DSEL: variants seen among roughly 807,000 people sequenced by gnomAD.
DSEL encodes the protein dermatan-sulfate epimerase-like protein.
A neutral mutation model predicts 96.6 loss-of-function variants in DSEL; 61 were observed. The observed-to-expected ratio is 0.63, with a 90% CI of 0.51 to 0.78. The LOEUF (loss-of-function observed/expected upper bound fraction) is 0.78. Among genes scored for constraint, DSEL ranks in the 30% least tolerant of loss-of-function variants. DSEL has a pLI of 0.00. For synonymous variants in DSEL, 514 were observed against 502.0 expected, an observed-to-expected ratio of 1.02 and a Z score of -0.32; for missense variants, 1,320 against 1,430.8, an observed-to-expected ratio of 0.92 and a Z score of 1.25.
rs1282788409 is a variant in DSEL, at chr18:67,512,900, T to C, written c.1709A>G (p.Tyr570Cys). 2 of 1,614,204 alleles carry C rather than the reference T, an allele frequency of 1.2e-6. No individual in the cohort carries two copies. The highest frequency in any genetic ancestry group is 1.6e-4 in the Middle Eastern group (1 of 6,062). ...YSSAMRLKSV[Y>C]RALLLLNSQT... ...GGAATTTAAGAGAAGCAAAGCACGA[T>C]ATACACTTTTCAGTCTCATTGCTGA... The change falls in exon 2 of 2, where the codon TAT becomes TGT. Residue 570 changes from tyrosine (Y) to cysteine (C), a missense_variant. Physicochemically the swap from Tyr to Cys is radical, Grantham distance 194. This residue lies in a region of DSEL where 986 missense variants were observed against 1,066.4 expected (regional missense o/e 0.92). Transcript: ENST00000310045.
chr18:67,514,337 C>T lies in DSEL; in HGVS notation c.272G>A (p.Arg91Lys). The part of the protein sequence containing the change: ...ASHLHLFRAI[R>K]SAVTVMLSNP... ...GGACAGCATAACTGTCACTGCACTTCTGATAGCTCTAAAAAGATGCAAATG... is the reference window on the plus strand; with the variant it reads ...GGACAGCATAACTGTCACTGCACTTTTGATAGCTCTAAAAAGATGCAAATG... Residue 91 changes from arginine to lysine, a missense_variant, in exon 2 of 2, where the codon AGA becomes AAA. By Grantham distance (26) the Arg-to-Lys change is conservative. Transcript: ENST00000310045. The T allele has an allele frequency of 6.2e-7, 1 of 1,614,222 alleles. No individual in the cohort carries two copies. Among genetic ancestry groups the T allele is most frequent in the South Asian group, 1.1e-5 (1 of 91,086 alleles).
At position 67,510,567 on chromosome 18, in the gene DSEL, A is replaced by G. The variant is rs2089435878; in HGVS notation, c.*403T>C. ...ACTTTTGTAGTCCATCTTGAAAGCA[A>G]GAGATGCGTGGGTAAAGCAGCAATT... On this transcript the variant is annotated 3_prime_UTR_variant, in exon 2 of 2. Transcript: ENST00000310045. The G allele has an allele frequency of 5.9e-6, 1 of 168,690 alleles. No individual in the cohort carries two copies. Among genetic ancestry groups the G allele is most frequent in the South Asian group, 2.0e-4 (1 of 5,016 alleles). 10.4% of individuals were successfully genotyped at this position (168,690 alleles called of 1,614,324 possible). A position where few individuals can be genotyped will look rare whatever the true frequency, so the allele number is the denominator to read the frequency against.
Position 67,506,940 on chromosome 18 carries a change from A to G in DSEL, c.*4030T>C, listed in dbSNP as rs917557211. The G allele has an allele frequency of 6.6e-6, 1 of 152,206 alleles. No homozygotes were observed. Among genetic ancestry groups the G allele is most frequent in the Non-Finnish European group, 1.5e-5 (1 of 68,028 alleles). The allele number at this position is 152,206 out of a possible 1,614,324, so 9.4% of individuals were successfully genotyped here. A position where few individuals can be genotyped will look rare whatever the true frequency, so the allele number is the denominator to read the frequency against. ...TGCGTCTTTAAAAATGATATGGATA[A>G]TTTTTCTTCCGAAATGAAGTGAAAT... On this transcript the variant is annotated 3_prime_UTR_variant, in exon 2 of 2. Transcript: ENST00000310045.
intron 1 of DSEL, among the ~76,000 whole-genome samples, 178 bp from the exon 2 acceptor site, chr18:67,515,670 G>C (rs1485656681): frequency 6.6e-6 from 1 of 151,990 alleles, no homozygotes; most frequent in Non-Finnish European, 1.5e-5. Context: ...CCATTTACAC[G>C]CACTTATTTG....
rs1568245426 is a variant in DSEL at position 67,513,071 on chromosome 18, TTA to T, written c.1536_1537del (p.Asn512LysfsTer15). 6.2e-7 allele frequency: 1 copy of T among 1,614,192 alleles called. No individual in the cohort carries two copies. Among genetic ancestry groups the T allele is most frequent in the Non-Finnish European group, 8.5e-7 (1 of 1,180,046 alleles). On this transcript the variant is annotated frameshift_variant, in exon 2 of 2. Transcript: ENST00000310045. LOFTEE classifies it high-confidence loss of function. The stretch of plus-strand genomic sequence containing the variant: ...TTCTCCCAGTTGACCTTCCCAGGGC[TTA>T]TTACACTGGCTTGAGGGTGATGGAG...
At position 67,511,457 on chromosome 18, in the gene DSEL, A is replaced by G. The variant is rs2089441731; in HGVS notation, c.3152T>C (p.Leu1051Ser). The change falls in exon 2 of 2, where the codon TTG (leucine) becomes TCG (serine). Residue 1051 changes from leucine to serine, a missense_variant. Transcript: ENST00000310045. Reference sequence around the variant, plus strand: ...TGCTAAATGCTCTGGTACATTCTTCAAAGAATAAAGACTTGGTTTACTATT... The same window carrying G: ...TGCTAAATGCTCTGGTACATTCTTCGAAGAATAAAGACTTGGTTTACTATT... ...LYNSKPSLYSLKNVPEHLAKL... is the reference protein window; with the variant it reads ...LYNSKPSLYSSKNVPEHLAKL... 1 of 1,608,796 alleles carries G rather than the reference A, an allele frequency of 6.2e-7. No individual in the cohort carries two copies. Among genetic ancestry groups the G allele is most frequent in the South Asian group, 1.1e-5 (1 of 91,086 alleles).
In DSEL at chr18:67,510,480, G is replaced by A. The variant is rs147339502; in HGVS notation, c.*490C>T. On this transcript the variant is annotated 3_prime_UTR_variant, in exon 2 of 2. Transcript: ENST00000310045. ...TCACTGAACATTAAACACAGTAAAAGAAATTTTCTTTTTCTTTGTGCAAGA... is the reference window on the plus strand; with the variant it reads ...TCACTGAACATTAAACACAGTAAAAAAAATTTTCTTTTTCTTTGTGCAAGA... 2 of 153,500 alleles carry A rather than the reference G, an allele frequency of 1.3e-5. No homozygotes were observed. Among genetic ancestry groups the A allele is most frequent in the African/African-American group, 2.4e-5 (1 of 41,446 alleles). 9.5% of individuals were successfully genotyped at this position (153,500 alleles called of 1,614,324 possible).
Position 67,511,104 on chromosome 18 carries a change from G to A in DSEL, c.3505C>T (p.Pro1169Ser), listed in dbSNP as rs748314535. The A allele has an allele frequency of 6.2e-7, 1 of 1,614,110 alleles. No individual in the cohort carries two copies. Among genetic ancestry groups the A allele is most frequent in the Admixed American group, 1.7e-5 (1 of 60,026 alleles). ...FATSTNLFYL[P>S]YEGEISPTNT... Reference sequence around the variant, plus strand: ...GTTGGTGATATTTCCCCTTCATAGGGAAGGTAAAAAAGGTTTGTAGAGGTG... The same window carrying A: ...GTTGGTGATATTTCCCCTTCATAGGAAAGGTAAAAAAGGTTTGTAGAGGTG... The change falls in exon 2 of 2, where the codon CCC becomes TCC. Residue 1169 changes from proline (P) to serine (S), a missense_variant. Physicochemically the swap from Pro to Ser is moderately conservative, Grantham distance 74 (BLOSUM62 -1). Around this residue, in one of 3 missense-constraint regions of DSEL, gnomAD observed 986 missense variants for 1,066.4 expected, o/e 0.92. Transcript: ENST00000310045.
At position 67,513,229 on chromosome 18, in the gene DSEL, C is replaced by G; in HGVS notation, c.1380G>C (p.Trp460Cys). 6.2e-7 allele frequency: 1 copy of G among 1,614,148 alleles called. No individual in the cohort carries two copies. The highest frequency in any genetic ancestry group is 8.5e-7 in the Non-Finnish European group (1 of 1,180,012). Reference sequence around the variant, plus strand: ...GCTCATGTCCTGGGTTAAAACTTCTCCACCCATCAATCCAGGAATATGGCT... The same window carrying G: ...GCTCATGTCCTGGGTTAAAACTTCTGCACCCATCAATCCAGGAATATGGCT... ...HFQPYSWIDG[W>C]RSFNPGHEHP... is the part of the protein sequence containing the mutation. Residue 460 changes from tryptophan to cysteine, a missense_variant, in exon 2 of 2, where the codon TGG becomes TGC. By Grantham distance (215) the Trp-to-Cys change is radical (BLOSUM62 -2). Coordinates refer to ENST00000310045, the MANE Select transcript of DSEL (RefSeq NM_032160.3).
Position 67,508,122 on chromosome 18 carries a change from G to A in DSEL, c.*2848C>T, listed in dbSNP as rs186776182. ...GTTTGGGGAAGTTAATGTAGAAAAA[G>A]ACGGATTTTACAGATAAGAAATTTT... On this transcript the variant is annotated 3_prime_UTR_variant, in exon 2 of 2. Transcript: ENST00000310045. 6.6e-6 allele frequency: 1 copy of A among 152,238 alleles called. No individual in the cohort carries two copies. The highest frequency in any genetic ancestry group is 1.5e-5 in the Non-Finnish European group (1 of 68,002). 9.4% of individuals were successfully genotyped at this position (152,238 alleles called of 1,614,324 possible). A position where few individuals can be genotyped will look rare whatever the true frequency, so the allele number is the denominator to read the frequency against.
chr18:67,513,975 T>C lies in DSEL; in HGVS notation c.634A>G (p.Lys212Glu), dbSNP rs765234053. ...AGCTGTTTGCCCCATGAGCGGACCT[T>C]GGAATACTCGTACATTTCCTCAGTA... ...VITEEMYEYS[K>E]VRSWGKQLLH... The change falls in exon 2 of 2, where the codon AAG (lysine) becomes GAG (glutamate). Residue 212 changes from lysine to glutamate, a missense_variant. Physicochemically the swap from Lys to Glu is moderately conservative, Grantham distance 56. Coordinates refer to ENST00000310045, the MANE Select transcript of DSEL (RefSeq NM_032160.3). The C allele has an allele frequency of 1.2e-6, 2 of 1,614,206 alleles. No individual in the cohort carries two copies. Among genetic ancestry groups the C allele is most frequent in the East Asian group, 4.5e-5 (2 of 44,880 alleles).
At position 67,509,957 on chromosome 18, in the gene DSEL, G is replaced by A. The variant is rs1330120681; in HGVS notation, c.*1013C>T. The A allele has an allele frequency of 6.6e-6, 1 of 152,624 alleles. No homozygotes were observed. Among genetic ancestry groups the A allele is most frequent in the African/African-American group, 2.4e-5 (1 of 41,436 alleles). The allele number at this position is 152,624 out of a possible 1,614,324, so 9.5% of individuals were successfully genotyped here. A position where few individuals can be genotyped will look rare whatever the true frequency, so the allele number is the denominator to read the frequency against. On this transcript the variant is annotated 3_prime_UTR_variant, in exon 2 of 2. Transcript: ENST00000310045. The stretch of plus-strand genomic sequence containing the variant: ...ACTCATTCAAAGGGATGCAAGATAA[G>A]TCAGGCAGTTTTCCAATTCTGTTTC...
rs750696157 is a variant in DSEL, at chr18:67,511,466, A to C, written c.3143T>G (p.Leu1048Arg). 1 of 1,610,180 alleles carries C rather than the reference A, an allele frequency of 6.2e-7. No individual in the cohort carries two copies. Among genetic ancestry groups the C allele is most frequent in the Admixed American group, 1.7e-5 (1 of 60,028 alleles). Residue 1048 changes from leucine to arginine, a missense_variant, in exon 2 of 2, where the codon CTT becomes CGT. Physicochemically the swap from Leu to Arg is moderately radical, Grantham distance 102. Coordinates refer to ENST00000310045, the MANE Select transcript of DSEL (RefSeq NM_032160.3). ...CTCTGGTACATTCTTCAAAGAATAA[A>C]GACTTGGTTTACTATTGTACAACAT... ...YSMLYNSKPS[L>R]YSLKNVPEHL...
chr18:67,513,232 C>A lies in DSEL; in HGVS notation c.1377G>T (p.Gly459=), dbSNP rs376837619. 29 of 1,614,060 alleles carry A rather than the reference C, an allele frequency of 1.8e-5. No individual in the cohort carries two copies. Among genetic ancestry groups the A allele is most frequent in the Non-Finnish European group, 2.5e-5 (29 of 1,180,038 alleles). ...CATGTCCTGGGTTAAAACTTCTCCA[C>A]CCATCAATCCAGGAATATGGCTGAA... ...VHFQPYSWID[G]WRSFNPGHEH... The change falls in exon 2 of 2, where the codon GGG becomes GGT. Residue 459 remains glycine, a synonymous_variant. Coordinates refer to ENST00000310045, the MANE Select transcript of DSEL (RefSeq NM_032160.3).
Position 67,513,008 on chromosome 18 carries a change from C to T in DSEL, c.1601G>A (p.Gly534Asp). 1.2e-6 allele frequency: 2 copies of T among 1,614,186 alleles called. No individual in the cohort carries two copies. The highest frequency in any genetic ancestry group is 8.5e-7 in the Non-Finnish European group (1 of 1,180,044). The change falls in exon 2 of 2, where the codon GGT (glycine) becomes GAT (aspartate). Residue 534 changes from glycine (G) to aspartate (D), a missense_variant. Gly to Asp is a moderately conservative substitution (Grantham distance 94). Coordinates refer to ENST00000310045, the MANE Select transcript of DSEL (RefSeq NM_032160.3). ...QWLKWTGEEV[G>D]DAAGEIITAS... ...AGTGATTATTTCCCCAGCTGCATCA[C>T]CAACCTCCTCGCCAGTCCACTTAAG...
rs2089464792 is a variant in DSEL, at chr18:67,514,546, A to G, written c.63T>C (p.Thr21=). The G allele has an allele frequency of 6.2e-7, 1 of 1,614,050 alleles. No homozygotes were observed. Among genetic ancestry groups the G allele is most frequent in the Admixed American group, 1.7e-5 (1 of 60,006 alleles). Residue 21 remains threonine (T), a synonymous_variant, in exon 2 of 2, where the codon ACT becomes ACC. Coordinates refer to ENST00000310045, the MANE Select transcript of DSEL (RefSeq NM_032160.3). ...AATAATTGCTCACAGATTCCTCAAA[A>G]GTAGAGAAAGCAAACATCAATAATG... The part of the protein sequence containing the change: ...FLALLMFAFS[T]FEESVSNYSE...
chr18:67,507,649 T>C lies in DSEL; in HGVS notation c.*3321A>G, dbSNP rs1171479744. The stretch of plus-strand genomic sequence containing the variant: ...GGAGGAGGTTCTTCTTTGAATACAT[T>C]TGCAGAGGGCAATGTAGCAAGACCT... On this transcript the variant is annotated 3_prime_UTR_variant, in exon 2 of 2. Coordinates refer to ENST00000310045, the MANE Select transcript of DSEL (RefSeq NM_032160.3). The C allele has an allele frequency of 6.6e-6, 1 of 152,182 alleles. No homozygotes were observed. The highest frequency in any genetic ancestry group is 2.4e-5 in the African/African-American group (1 of 41,434). The allele number at this position is 152,182 out of a possible 1,614,324, so 9.4% of individuals were successfully genotyped here.
Position 67,512,168 on chromosome 18 carries a change from A to G in DSEL, c.2441T>C (p.Ile814Thr), listed in dbSNP as rs980000770. The G allele has an allele frequency of 3.1e-6, 5 of 1,614,218 alleles. No homozygotes were observed. The highest frequency in any genetic ancestry group is 4.2e-6 in the Non-Finnish European group (5 of 1,180,040). ...ILILVIALWF[I>T]ELLDVWSTCS... ...AGTGCTCCACACATCCAAAAGCTCA[A>G]TAAACCACAAGGCAATAACAAGTAT... The change falls in exon 2 of 2, where the codon ATT becomes ACT. Residue 814 changes from isoleucine (I) to threonine (T), a missense_variant. By Grantham distance (89) the Ile-to-Thr change is moderately conservative. Coordinates refer to ENST00000310045, the MANE Select transcript of DSEL (RefSeq NM_032160.3).
rs2089427930 is a variant in DSEL, at chr18:67,509,221, C to CA, written c.*1748dup. On this transcript the variant is annotated 3_prime_UTR_variant, in exon 2 of 2. Transcript: ENST00000310045. The stretch of plus-strand genomic sequence containing the variant: ...ACATATCCTAGGAATTGAAAGTAAA[C>CA]ACTGAGATTCTGCCCAATAATGGAA... The CA allele has an allele frequency of 1.3e-5, 2 of 152,090 alleles. No homozygotes were observed. Among genetic ancestry groups the CA allele is most frequent in the Non-Finnish European group, 2.9e-5 (2 of 68,016 alleles). The allele number at this position is 152,090 out of a possible 1,614,324, so 9.4% of individuals were successfully genotyped here.
Sources: allele counts gnomAD v4.1 joint callset (sites outside exome capture counted in the v4.1 genomes callset), GRCh38; gene constraint gnomAD v4.1.1; regional missense constraint gnomAD v4.1.1; transcripts MANE v1.5; gene names NCBI Gene and HGNC (gene_info 2026-07-23, HGNC 2026-07-21).